Variants in PLXDC2 observed in about 807,000 individuals in gnomAD.
PLXDC2 encodes plexin domain containing 2, also known as plexin domain-containing protein 2.
A neutral mutation model predicts 68.9 loss-of-function variants in PLXDC2; 40 were observed. That is an observed-to-expected ratio of 0.58 (90% CI 0.45 to 0.76). The LOEUF is 0.76. Among genes scored for constraint, PLXDC2 ranks in the 30% least tolerant of loss-of-function variants. The pLI, the probability that PLXDC2 is intolerant of heterozygous loss-of-function variation, is 0.00. For missense variants in PLXDC2, 644 were observed against 661.9 expected (o/e 0.97, Z 0.30); for synonymous variants, 243 against 234.2 (o/e 1.04, Z -0.34).
In PLXDC2 at chr10:19,970,908, C is replaced by T. The variant is rs76343221; in HGVS notation, c.113-30867C>T. On this transcript the variant is annotated intron_variant, in intron 1 of 13. Coordinates refer to ENST00000377252, the MANE Select transcript of PLXDC2 (RefSeq NM_032812.9). ...GAAATCTAGACTAAACATGTTCTTCCGTGGGAGTCTCTCTCTGAGCTTCGT... is the reference window on the plus strand; with the variant it reads ...GAAATCTAGACTAAACATGTTCTTCTGTGGGAGTCTCTCTCTGAGCTTCGT... Among the ~76,000 whole-genome samples, 7 of 152,200 alleles carry T rather than the reference C, an allele frequency of 4.6e-5. No individual in the cohort carries two copies. The East Asian group carries it at 1.4e-3, about 29-fold the overall frequency.
chr10:19,852,570 A>C (rs1250755014), intron 1 of PLXDC2, among the ~76,000 whole-genome samples: 1 of 152,124 alleles, frequency 6.6e-6, no homozygotes, highest in African/African-American at 2.4e-5. Flanking sequence ...GGATTCTAGA[A>C]AACAAAGTTT....
At chr10:20,222,073 G>C (rs998966594) in intron 12 of PLXDC2, among the ~76,000 whole-genome samples, 9 of 152,226 alleles carry the variant, frequency 5.9e-5, no homozygotes, top group Admixed American at 5.2e-4. Flanking sequence ...GTGACTAATT[G>C]GCTGTTCTTA....
intron 1 of PLXDC2, among the ~76,000 whole-genome samples, chr10:19,833,847 G>A (rs771621731): frequency 2.6e-5 from 4 of 151,926 alleles, no homozygotes; most frequent in Admixed American, 6.6e-5. Flanking sequence ...TTCTAAGATT[G>A]CATCAATGAA....
In PLXDC2 at chr10:20,177,401, A is replaced by T; in HGVS notation, c.1053A>T (p.Lys351Asn). ...GCTTCAACTGCAGTTGGTGTAGTAAACTTCAAAGGTAAAAATATAATAATA... is the reference window on the plus strand; with the variant it reads ...GCTTCAACTGCAGTTGGTGTAGTAATCTTCAAAGGTAAAAATATAATAATA... ...QIGFNCSWCSKLQRCSSGFDR... is the reference protein window; with the variant it reads ...QIGFNCSWCSNLQRCSSGFDR... The change falls in exon 9 of 14, where the codon AAA becomes AAT. Residue 351 changes from lysine to asparagine, a missense_variant. Transcript: ENST00000377252. 1.3e-6 allele frequency: 2 copies of T among 1,518,268 alleles called. No homozygotes were observed. The highest frequency in any genetic ancestry group is 2.4e-5 in the South Asian group (2 of 85,000). The allele number at this position is 1,518,268 out of a possible 1,614,324, so 94.0% of individuals were successfully genotyped here.
At chr10:20,114,154 T>C (rs1359886833) in intron 4 of PLXDC2, among the ~76,000 whole-genome samples, 4 of 152,066 alleles carry the variant, frequency 2.6e-5, no homozygotes, top group Admixed American at 6.6e-5. Context: ...AGAAAACAAT[T>C]AGGCAAATCT....
chr10:20,001,149 C>T lies in PLXDC2; in HGVS notation c.113-626C>T, dbSNP rs185340974. Among the ~76,000 whole-genome samples the T allele has an allele frequency of 7.3e-4, 111 of 152,240 alleles. 1 individual carries two copies. The highest frequency in any genetic ancestry group is 2.6e-3 in the African/African-American group (109 of 41,544). ...TGACGAGATTTCAAGGTGAGAACGG[C>T]ACAGATGAACAAAAGTGCAGGGATG... On this transcript the variant is annotated intron_variant, in intron 1 of 13. Transcript: ENST00000377252.
intron 1 of PLXDC2, among the ~76,000 whole-genome samples, chr10:19,897,851 A>G (rs980631286): frequency 2.6e-5 from 4 of 152,186 alleles, no homozygotes; most frequent in Non-Finnish European, 4.4e-5. Flanking sequence ...AGATGTAATA[A>G]CATTCATTAT....
At chr10:20,124,909 C>T (rs1564324105) in intron 4 of PLXDC2, among the ~76,000 whole-genome samples, 1 of 152,112 alleles carries the variant, frequency 6.6e-6, no homozygotes, top group Admixed American at 6.5e-5. Flanking sequence ...AATATCATGG[C>T]TCAGCTTGGG....
At position 20,076,349 on chromosome 10, in the gene PLXDC2, T is replaced by A. The variant is rs754807396; in HGVS notation, c.541+8110T>A. On this transcript the variant is annotated intron_variant, in intron 4 of 13. Transcript: ENST00000377252. ...GACTTTTGAATCTGAATACTTCAGT[T>A]CATAAGCCAAGGCAATCGTAACTGT... 3.1e-4 allele frequency among the ~76,000 whole-genome samples: 47 copies of A among 152,218 alleles called. 1 individual carries two copies. Among genetic ancestry groups the A allele is most frequent in the Non-Finnish European group, 6.0e-4 (41 of 68,036 alleles).
At chr10:20,161,788 T>A (rs1039771585) in intron 6 of PLXDC2, among the ~76,000 whole-genome samples, 1 of 151,870 alleles carries the variant, frequency 6.6e-6, no homozygotes, top group Non-Finnish European at 1.5e-5. Context: ...TCCCAGCAAT[T>A]TGGGAGGCCG....
At chr10:19,868,436 A>G (rs571494356) in intron 1 of PLXDC2, among the ~76,000 whole-genome samples, 15 of 152,334 alleles carry the variant, frequency 9.8e-5, no homozygotes, top group African/African-American at 3.1e-4. Context: ...GAGTTCTGCC[A>G]ACGTTTAGCA....
rs188147873 is a variant in PLXDC2 at position 20,040,544 on chromosome 10, T to C, written c.325-6325T>C. On this transcript the variant is annotated intron_variant, in intron 2 of 13. Coordinates refer to ENST00000377252, the MANE Select transcript of PLXDC2 (RefSeq NM_032812.9). ...ACCCTAATTAACATAAATCCTCGTCTTGCTCTCGACTTTTGCTGGAGGATA... is the reference window on the plus strand; with the variant it reads ...ACCCTAATTAACATAAATCCTCGTCCTGCTCTCGACTTTTGCTGGAGGATA... Among the ~76,000 whole-genome samples the C allele has an allele frequency of 1.4e-3, 217 of 152,300 alleles. 1 individual carries two copies. The highest frequency in any genetic ancestry group is 4.0e-4 in the Non-Finnish European group (27 of 68,026).
chr10:20,168,592 C>T (rs894619670), intron 7 of PLXDC2, among the ~76,000 whole-genome samples: 7 of 152,030 alleles, frequency 4.6e-5, no homozygotes, highest in Non-Finnish European at 1.0e-4. Context: ...CTGTATGTCT[C>T]GAAATCACTG....
intron 1 of PLXDC2, among the ~76,000 whole-genome samples, chr10:19,922,108 C>T (rs527710572): frequency 5.9e-5 from 9 of 152,276 alleles, no homozygotes; most frequent in African/African-American, 1.7e-4. Flanking sequence ...ATCTGCCTGC[C>T]GCAGCCTCCC....
intron 2 of PLXDC2, among the ~76,000 whole-genome samples, chr10:20,024,737 G>C (rs1368986575): frequency 6.6e-6 from 1 of 151,922 alleles, no homozygotes; most frequent in East Asian, 1.9e-4. Context: ...CCCATCTAGT[G>C]GTCCCCAGTA....
chr10:20,165,989 A>G (rs1834369414), intron 7 of PLXDC2, among the ~76,000 whole-genome samples: 1 of 152,112 alleles, frequency 6.6e-6, no homozygotes, highest in Non-Finnish European at 1.5e-5. Flanking sequence ...TATTTAAAGA[A>G]AGGGGAGATA....
chr10:20,018,898 C>A (rs1253510516), intron 2 of PLXDC2, among the ~76,000 whole-genome samples: 1 of 151,638 alleles, frequency 6.6e-6, no homozygotes. Context: ...ATATGTGGAT[C>A]GAGTATATAT....
intron 1 of PLXDC2, among the ~76,000 whole-genome samples, chr10:19,917,711 A>G (rs1214016326): frequency 6.6e-6 from 1 of 152,178 alleles, no homozygotes; most frequent in Non-Finnish European, 1.5e-5. Context: ...AATTCTCCAA[A>G]AGTCCATGAT....
chr10:20,030,183 C>T (rs916063840), intron 2 of PLXDC2, among the ~76,000 whole-genome samples: 18 of 131,088 alleles, frequency 1.4e-4, no homozygotes, highest in Admixed American at 7.6e-4. Flanking sequence ...GACAGCTCAA[C>T]GGCTCAGGAA....
Sources: allele counts gnomAD v4.1 joint callset (sites outside exome capture counted in the v4.1 genomes callset), GRCh38; gene constraint gnomAD v4.1.1; transcripts MANE v1.5; gene names NCBI Gene and HGNC (gene_info 2026-07-23, HGNC 2026-07-21).